USP44: variants seen among roughly 807,000 people sequenced by gnomAD.
USP44 encodes the protein ubiquitin carboxyl-terminal hydrolase 44.
USP44 carries 61 observed loss-of-function variants against 69.0 expected under a neutral mutation model. The observed-to-expected ratio is 0.88, with a 90% confidence interval of 0.72 to 1.09. USP44 has a LOEUF of 1.09. USP44 is among the 50% of genes least tolerant of loss of function. The pLI, the probability that USP44 is intolerant of heterozygous loss-of-function variation, is 0.00. For synonymous variants in USP44, 297 were observed against 295.4 expected (o/e 1.01, Z -0.06); for missense variants, 753 against 849.9 (o/e 0.89, Z 1.42).
At chr12:95,549,812 A>C (rs1345782188) in intron 1 of USP44, among the ~76,000 whole-genome samples, 1 of 152,162 alleles carries the variant, frequency 6.6e-6, no homozygotes, top group Non-Finnish European at 1.5e-5. Context: ...TATTCACAGC[A>C]TATTATCCAA....
chr12:95,533,406 A>T lies in USP44; in HGVS notation c.851T>A (p.Met284Lys). ...ACTCAACACCTGAAGAACAGAATTC[A>T]TATAGCAAGTATTTCCCAAATTTCT... ...GLRNLGNTCY[M>K]NSVLQVLSHL... Residue 284 changes from methionine to lysine, a missense_variant, in exon 2 of 6, where the codon ATG becomes AAG. Met to Lys is a moderately conservative substitution (Grantham distance 95, BLOSUM62 -1). Coordinates refer to ENST00000258499, the MANE Select transcript of USP44 (RefSeq NM_032147.5). The T allele has an allele frequency of 6.2e-7, 1 of 1,613,902 alleles. No individual in the cohort carries two copies.
intron 2 of USP44, among the ~76,000 whole-genome samples, chr12:95,532,606 C>T (rs2077056187): frequency 6.6e-6 from 1 of 152,128 alleles, no homozygotes; most frequent in Admixed American, 6.5e-5. Flanking sequence ...ATTTCTCCCT[C>T]CCTCCAAAAG....
In USP44 at chr12:95,533,213, T is replaced by C. The variant is rs1162074925; in HGVS notation, c.1044A>G (p.Arg348=). Reference sequence around the variant, plus strand: ...TTAGTCCTGATGACAGACTTGATTGTCTGGAGCAAACAAAACCTGTATCTT... The same window carrying C: ...TTAGTCCTGATGACAGACTTGATTGCCTGGAGCAAACAAAACCTGTATCTT... ...QEKDTGFVCS[R]QSSLSSGLSG... The change falls in exon 2 of 6, where the codon AGA becomes AGG. Residue 348 remains arginine (R), a synonymous_variant. Coordinates refer to ENST00000258499, the MANE Select transcript of USP44 (RefSeq NM_032147.5). 2.5e-6 allele frequency: 4 copies of C among 1,614,170 alleles called. No individual in the cohort carries two copies. Among genetic ancestry groups the C allele is most frequent in the South Asian group, 2.2e-5 (2 of 91,088 alleles).
chr12:95,549,758 T>A (rs898010708), intron 1 of USP44, among the ~76,000 whole-genome samples: 3 of 152,308 alleles, frequency 2.0e-5, no homozygotes, highest in Admixed American at 6.5e-5. Context: ...CTGGGGAGTA[T>A]GTTTCAGTGG....
At position 95,533,364 on chromosome 12, in the gene USP44, C is replaced by T. The variant is rs754631408; in HGVS notation, c.893G>A (p.Arg298Gln). ...CAGATCAAGCTTTAAAAAACATTGTCGAAAAATAAGTAAATGACTCAACAC... is the reference window on the plus strand; with the variant it reads ...CAGATCAAGCTTTAAAAAACATTGTTGAAAAATAAGTAAATGACTCAACAC... Reference protein sequence around the residue: ...LQVLSHLLIFRQCFLKLDLNQ... With the variant: ...LQVLSHLLIFQQCFLKLDLNQ... Residue 298 changes from arginine (R) to glutamine (Q), a missense_variant, in exon 2 of 6, where the codon CGA becomes CAA. Transcript: ENST00000258499. The T allele has an allele frequency of 3.7e-6, 6 of 1,612,946 alleles. No individual in the cohort carries two copies. The Admixed American group carries it at 5.0e-5, about 13-fold the overall frequency.
chr12:95,525,682 T>G (rs2076812629), intron 3 of USP44, among the ~76,000 whole-genome samples: 1 of 152,224 alleles, frequency 6.6e-6, no homozygotes, highest in South Asian at 2.1e-4. Flanking sequence ...GTTTTGCTTT[T>G]GCTCTTTTAG....
chr12:95,522,333 C>T (rs1435008799), intron 4 of USP44, among the ~76,000 whole-genome samples: 1 of 151,938 alleles, frequency 6.6e-6, no homozygotes, highest in Non-Finnish European at 1.5e-5. Context: ...TGTAAAATGG[C>T]ACGGAACTAA....
chr12:95,541,864 T>C (rs2077400162), intron 1 of USP44, among the ~76,000 whole-genome samples: 1 of 149,078 alleles, frequency 6.7e-6, no homozygotes, highest in Non-Finnish European at 1.5e-5. Context: ...TCAAAAATAA[T>C]ATCATCTCCA....
intron 1 of USP44, 83 bp downstream of exon 1, chr12:95,551,189 G>A (rs1440574443): frequency 6.6e-6 from 1 of 151,664 alleles, no homozygotes; most frequent in Non-Finnish European, 1.5e-5. Flanking sequence ...TCGAATCTAA[G>A]CTTTTTACTG....
At chr12:95,549,916 C>T (rs374776251) in intron 1 of USP44, among the ~76,000 whole-genome samples, 2 of 152,090 alleles carry the variant, frequency 1.3e-5, no homozygotes, top group African/African-American at 4.8e-5. Flanking sequence ...CAGTGGCTCA[C>T]GCCTGTAATC....
chr12:95,527,260 A>G (rs913124025), intron 3 of USP44, among the ~76,000 whole-genome samples: 5 of 151,700 alleles, frequency 3.3e-5, no homozygotes, highest in Admixed American at 3.3e-4. Flanking sequence ...ATGCCCAGCT[A>G]ATTTTTGTAT....
rs756448965 is a variant in USP44, at chr12:95,528,782, C to T, written c.1624+25G>A. The T allele has an allele frequency of 1.2e-4, 184 of 1,597,812 alleles. 1 individual carries two copies. The highest frequency in any genetic ancestry group is 1.5e-4 in the Non-Finnish European group (177 of 1,172,270). On this transcript the variant is annotated intron_variant, in intron 3 of 5. Transcript: ENST00000258499. Reference sequence around the variant, plus strand: ...TCTCTTTATCATTCCTAGGAAAGCACCAAGAACACAACGTCTTTACTCACA... The same window carrying T: ...TCTCTTTATCATTCCTAGGAAAGCATCAAGAACACAACGTCTTTACTCACA...
chr12:95,543,531 G>C (rs1009179558), intron 1 of USP44, among the ~76,000 whole-genome samples: 8 of 151,678 alleles, frequency 5.3e-5, no homozygotes, highest in Non-Finnish European at 1.2e-4. Context: ...TGTTTTTCCA[G>C]CAATATTGTG....
At chr12:95,540,625 G>A (rs926923437) in intron 1 of USP44, among the ~76,000 whole-genome samples, 3 of 152,128 alleles carry the variant, frequency 2.0e-5, no homozygotes, top group Admixed American at 1.3e-4. Flanking sequence ...TTAGAGGCGT[G>A]AGCCACCACA....
chr12:95,528,144 C>T (rs895513146), intron 3 of USP44, among the ~76,000 whole-genome samples: 2 of 152,156 alleles, frequency 1.3e-5, no homozygotes, highest in African/African-American at 2.4e-5. Flanking sequence ...TGGCCGAAGA[C>T]GCTTCTCTTT....
At chr12:95,536,689 T>C (rs1177399613) in intron 1 of USP44, among the ~76,000 whole-genome samples, 1 of 152,186 alleles carries the variant, frequency 6.6e-6, no homozygotes, top group African/African-American at 2.4e-5. Flanking sequence ...CCGGGATTAC[T>C]GCAGTAAGGC....
chr12:95,544,570 T>C (rs902071256), intron 1 of USP44, among the ~76,000 whole-genome samples: 1 of 152,114 alleles, frequency 6.6e-6, no homozygotes, highest in Non-Finnish European at 1.5e-5. Flanking sequence ...TTCAGATCCC[T>C]TCTTTAAAAA....
chr12:95,518,385 G>T, intron 5 of USP44, 32 bp from the exon 6 acceptor site: 1 of 1,603,230 alleles, frequency 6.2e-7, no homozygotes, highest in South Asian at 1.1e-5. Context: ...CATTTATGAA[G>T]GGACTTTAGA....
Position 95,534,846 on chromosome 12 carries a change from G to A in USP44, c.-70-520C>T, listed in dbSNP as rs2077149088. On this transcript the variant is annotated intron_variant, in intron 1 of 5. Coordinates refer to ENST00000258499, the MANE Select transcript of USP44 (RefSeq NM_032147.5). ...GTGCACCACCACATTCAGCTAATCT[G>A]TTTTTCGTATTTTTACTAGAGACAA... Among the ~76,000 whole-genome samples the A allele has an allele frequency of 2.0e-5, 3 of 151,938 alleles. No individual in the cohort carries two copies. The South Asian group carries it at 6.3e-4, about 32-fold the overall frequency.
Sources: gnomAD v4.1 joint callset for allele counts (sites outside exome capture counted in the v4.1 genomes callset) on GRCh38, gnomAD v4.1.1 for gene constraint, MANE v1.5 for transcripts, NCBI Gene and HGNC (gene_info 2026-07-23, HGNC 2026-07-21) for gene names.